SLC2A9: variants seen among roughly 807,000 people sequenced by gnomAD.
The protein encoded by SLC2A9 is solute carrier family 2 member 9, also known as solute carrier family 2, facilitated glucose transporter member 9.
Under a neutral mutation model 50.6 loss-of-function variants are expected in SLC2A9, and 39 were observed. The observed-to-expected ratio is 0.77, with a 90% CI of 0.60 to 1.01. The LOEUF is 1.01. Among genes scored for constraint, SLC2A9 ranks in the 50% least tolerant of loss-of-function variants. The pLI is 0.00. For missense variants in SLC2A9, 686 were observed against 677.6 expected (o/e 1.01, Z -0.14); for synonymous variants, 324 against 276.9 (o/e 1.17, Z -1.69).
intron 2 of SLC2A9, among the ~76,000 whole-genome samples, chr4:10,015,730 C>T (rs1369707926): frequency 6.6e-6 from 1 of 152,152 alleles, no homozygotes; most frequent in African/African-American, 2.4e-5. Flanking sequence ...TGCCAGACAA[C>T]GAATCCACCG....
chr4:9,810,187 C>T (rs768670662), intron 3 of SLC2A9, among the ~76,000 whole-genome samples: 3 of 152,000 alleles, frequency 2.0e-5, no homozygotes, highest in Admixed American at 2.0e-4. Flanking sequence ...GTCTTCTTTA[C>T]CACCATATGT....
intron 6 of SLC2A9, among the ~76,000 whole-genome samples, chr4:9,925,694 A>G (rs1286365626): frequency 1.3e-5 from 2 of 152,238 alleles, no homozygotes; most frequent in Non-Finnish European, 2.9e-5. Flanking sequence ...AGCCTTGCAT[A>G]GAATGTACAT....
intron 10 of SLC2A9, among the ~76,000 whole-genome samples, chr4:9,854,138 A>G (rs1330894907): frequency 2.0e-5 from 3 of 152,204 alleles, no homozygotes; most frequent in Non-Finnish European, 4.4e-5. Context: ...CCAAAATCAG[A>G]GCTGAACTGA....
At chr4:9,880,541 T>C (rs1354738231) in intron 10 of SLC2A9, 1 of 984,948 alleles carries the variant, frequency 1.0e-6, no homozygotes, top group Admixed American at 6.2e-5. Flanking sequence ...TTGGGAGGGC[T>C]TAGGAAAAAA....
chr4:9,943,296 G>A (rs1212476948), intron 5 of SLC2A9, among the ~76,000 whole-genome samples: 1 of 152,186 alleles, frequency 6.6e-6, no homozygotes, highest in Admixed American at 6.5e-5. Context: ...CCATCTAAGG[G>A]GTGCCTTAGA....
chr4:9,785,416 C>T (rs142383780), intron 3 of SLC2A9, among the ~76,000 whole-genome samples: 1 of 152,264 alleles, frequency 6.6e-6, no homozygotes, highest in African/African-American at 2.4e-5. Flanking sequence ...TTTCCCAATG[C>T]TGTTCACCTC....
intron 5 of SLC2A9, among the ~76,000 whole-genome samples, chr4:9,977,126 T>A (rs569031951): frequency 6.6e-6 from 1 of 152,136 alleles, no homozygotes; most frequent in South Asian, 2.1e-4. Flanking sequence ...CCTTTCTCCA[T>A]GCTGCAGGCC....
At position 9,959,411 on chromosome 4, in the gene SLC2A9, G is replaced by A. The variant is rs1411772069; in HGVS notation, c.682-17366C>T. ...ACTCTGTCTCAAAAAAAAAAAAAAA[G>A]AATACTGAGGCCTCAATCATCAGAT... is the stretch of plus-strand genomic sequence containing the variant. On this transcript the variant is annotated intron_variant, in intron 5 of 11. Transcript: ENST00000264784. 7.0e-3 allele frequency among the ~76,000 whole-genome samples: 888 copies of A among 126,292 alleles called. 6 individuals carry two copies. The highest frequency in any genetic ancestry group is 8.9e-3 in the Non-Finnish European group (519 of 58,050). 82.9% of individuals were successfully genotyped at this position (126,292 alleles called of 152,430 possible). A position where few individuals can be genotyped will look rare whatever the true frequency, so the allele number is the denominator to read the frequency against.
intron 5 of SLC2A9, among the ~76,000 whole-genome samples, chr4:9,948,561 A>G (rs1006102283): frequency 6.6e-6 from 1 of 152,106 alleles, no homozygotes; most frequent in Admixed American, 6.5e-5. Context: ...CCCTTGAAGG[A>G]TGTTTCCTCC....
chr4:9,972,001 G>A (rs1044131850), intron 5 of SLC2A9, among the ~76,000 whole-genome samples: 6 of 152,232 alleles, frequency 3.9e-5, no homozygotes, highest in Admixed American at 1.3e-4. Context: ...TACATAATTC[G>A]TCTCATTTTT....
intron 2 of SLC2A9, among the ~76,000 whole-genome samples, chr4:10,000,861 T>C (rs567745921): frequency 6.6e-6 from 1 of 152,152 alleles, no homozygotes; most frequent in Non-Finnish European, 1.5e-5. Context: ...CATTCTCCAG[T>C]TGCTCAGCCA....
At position 9,848,861 on chromosome 4, in the gene SLC2A9, C is replaced by T. The variant is rs576729444; in HGVS notation, c.1292-13853G>A. ...CTGGGACTACAGGCACCCGCTACCA[C>T]GCCCGGCTAATTTTGTATTTTTAGT... is the stretch of plus-strand genomic sequence containing the variant. On this transcript the variant is annotated intron_variant, in intron 10 of 11. Coordinates refer to ENST00000264784, the MANE Select transcript of SLC2A9 (RefSeq NM_020041.3). Among the ~76,000 whole-genome samples, 8 of 152,206 alleles carry T rather than the reference C, an allele frequency of 5.3e-5. No individual in the cohort carries two copies. The East Asian group carries it at 9.7e-4, about 18-fold the overall frequency.
chr4:9,896,346 G>A (rs1388665810), intron 8 of SLC2A9, among the ~76,000 whole-genome samples: 1 of 152,134 alleles, frequency 6.6e-6, no homozygotes. Flanking sequence ...TAATTTCCCT[G>A]GTGACAGTAA....
intron 7 of SLC2A9, among the ~76,000 whole-genome samples, chr4:9,914,286 C>T (rs1742441483): frequency 6.6e-6 from 1 of 152,184 alleles, no homozygotes; most frequent in Non-Finnish European, 1.5e-5. Context: ...AGCTGCCAAG[C>T]AAAGCAAGAC....
At position 9,887,600 on chromosome 4, in the gene SLC2A9, G is replaced by C; in HGVS notation, c.1258C>G (p.Leu420Val). Residue 420 changes from leucine (L) to valine (V), a missense_variant, in exon 10 of 12, where the codon CTG becomes GTG. By Grantham distance (32) the Leu-to-Val change is conservative. Transcript: ENST00000264784. ...CTGCAGAAAGAGGCGATGATGGCCA[G>C]AATGCCCACGATACTCAGGTAGGGG... Reference protein sequence around the residue: ...WVPYLSIVGILAIIASFCSGP... With the variant: ...WVPYLSIVGIVAIIASFCSGP... 6.4e-7 allele frequency: 1 copy of C among 1,570,600 alleles called. No homozygotes were observed. Among genetic ancestry groups the C allele is most frequent in the Non-Finnish European group, 8.6e-7 (1 of 1,157,608 alleles).
At chr4:9,834,482 G>T (rs2109141809) in intron 11 of SLC2A9, among the ~76,000 whole-genome samples, 1 of 152,270 alleles carries the variant, frequency 6.6e-6, no homozygotes, top group Non-Finnish European at 1.5e-5. Flanking sequence ...ATTAGCTGTG[G>T]TTATGATGAT....
chr4:9,780,223 A>T (rs1718144649), intron 3 of SLC2A9, among the ~76,000 whole-genome samples: 1 of 152,196 alleles, frequency 6.6e-6, no homozygotes, highest in South Asian at 2.1e-4. Flanking sequence ...CCTGCTGGGA[A>T]GACAGAGGGT....
At chr4:9,912,156 G>C (rs561334527) in intron 7 of SLC2A9, among the ~76,000 whole-genome samples, 7 of 152,240 alleles carry the variant, frequency 4.6e-5, no homozygotes, top group Middle Eastern at 3.4e-3. Flanking sequence ...GGGGGGAGCG[G>C]GGAGGGAGAG....
intron 10 of SLC2A9, among the ~76,000 whole-genome samples, chr4:9,846,746 T>G (rs1324035924): frequency 6.6e-6 from 1 of 152,108 alleles, no homozygotes; most frequent in African/African-American, 2.4e-5. Flanking sequence ...CAGAGAAAGC[T>G]CAATTGTAAT....
Sources: allele counts gnomAD v4.1 joint callset (sites outside exome capture counted in the v4.1 genomes callset), GRCh38; gene constraint gnomAD v4.1.1; transcripts MANE v1.5; gene names NCBI Gene and HGNC (gene_info 2026-07-23, HGNC 2026-07-21).